RARB: variants seen among roughly 807,000 people sequenced by gnomAD.
RARB encodes the protein HBV-activated protein.
Under a neutral mutation model 51.9 loss-of-function variants are expected in RARB, and 17 were observed. The observed-to-expected ratio is 0.33, with a 90% confidence interval of 0.22 to 0.49. The LOEUF (loss-of-function observed/expected upper bound fraction) is 0.49, where lower values mean the gene tolerates loss of function less well. Among genes scored for constraint, RARB ranks in the 20% least tolerant of loss-of-function variants. The pLI is 0.99. For missense variants in RARB, 369 were observed against 550.8 expected (o/e 0.67, Z 3.30); for synonymous variants, 215 against 195.4 (o/e 1.10, Z -0.84).
At chr3:25,339,049 C>T (rs1399712850) in intron 5 of RARB, among the ~76,000 whole-genome samples, 1 of 152,202 alleles carries the variant, frequency 6.6e-6, no homozygotes, top group Admixed American at 6.5e-5. Context: ...CTTGAAAGGT[C>T]TATGTTCTTT....
At chr3:25,167,020 TG>T (rs1216080417) in intron 4 of RARB, among the ~76,000 whole-genome samples, 3 of 152,230 alleles carry the variant, frequency 2.0e-5, no homozygotes, top group Non-Finnish European at 4.4e-5. Flanking sequence ...AATTTCAGAT[TG>T]GTGCTGTTAC....
intron 5 of RARB, among the ~76,000 whole-genome samples, chr3:25,412,231 C>T (rs1005267958): frequency 7.2e-5 from 11 of 152,134 alleles, no homozygotes; most frequent in South Asian, 4.1e-4. Context: ...TTTAAATTCT[C>T]GTCCTTATCC....
At chr3:25,014,116 T>A (rs187772923) in intron 2 of RARB, among the ~76,000 whole-genome samples, 1 of 152,266 alleles carries the variant, frequency 6.6e-6, no homozygotes, top group African/African-American at 2.4e-5. Context: ...CTTTTTCCCT[T>A]GTTGCTGTAT....
At chr3:25,368,498 T>G (rs1291304059) in intron 5 of RARB, among the ~76,000 whole-genome samples, 3 of 152,328 alleles carry the variant, frequency 2.0e-5, no homozygotes, top group African/African-American at 7.2e-5. Context: ...AATATATTAT[T>G]TGTGCACACA....
intron 4 of RARB, among the ~76,000 whole-genome samples, chr3:25,574,289 C>A (rs1700831991): frequency 6.6e-6 from 1 of 152,198 alleles, no homozygotes; most frequent in Non-Finnish European, 1.5e-5. Flanking sequence ...TCATTTGCAC[C>A]TCAGCTCCTT....
At chr3:25,014,760 G>A (rs1697472055) in intron 2 of RARB, among the ~76,000 whole-genome samples, 1 of 151,730 alleles carries the variant, frequency 6.6e-6, no homozygotes, top group Admixed American at 6.6e-5. Context: ...AGAGTGAGAT[G>A]GACACTACTA....
intron 5 of RARB, among the ~76,000 whole-genome samples, chr3:25,387,727 G>A (rs534456168): frequency 6.6e-6 from 1 of 152,108 alleles, no homozygotes; most frequent in Middle Eastern, 3.4e-3. Flanking sequence ...CACATAATGA[G>A]GTCTCACTTC....
intron 2 of RARB, among the ~76,000 whole-genome samples, chr3:24,902,860 A>G (rs912844127): frequency 6.6e-6 from 1 of 152,192 alleles, no homozygotes; most frequent in African/African-American, 2.4e-5. Context: ...ATATTACTAA[A>G]ACTTCAGTTT....
At chr3:24,966,613 T>C (rs1207620157) in intron 2 of RARB, among the ~76,000 whole-genome samples, 1 of 138,378 alleles carries the variant, frequency 7.2e-6, no homozygotes, top group Admixed American at 7.0e-5. Flanking sequence ...TTCATCTCTC[T>C]CTCTCTCTCT....
chr3:25,101,080 A>G (rs6807196), intron 3 of RARB, among the ~76,000 whole-genome samples: 118,686 of 152,062 alleles, frequency 0.78, 46,857 homozygotes, highest in Admixed American at 0.86. Context: ...CACCTCTGGA[A>G]TTCCATAATA....
intron 1 of RARB, among the ~76,000 whole-genome samples, chr3:25,435,704 C>A (rs1319100577): frequency 6.6e-6 from 1 of 152,042 alleles, no homozygotes; most frequent in African/African-American, 2.4e-5. Flanking sequence ...TGACAAGAAG[C>A]TGTATAAAAA....
chr3:25,538,242 G>A (rs926896706), intron 3 of RARB, among the ~76,000 whole-genome samples: 3 of 152,078 alleles, frequency 2.0e-5, no homozygotes, highest in Non-Finnish European at 4.4e-5. Flanking sequence ...AGGATGGGAG[G>A]TTTACACCCA....
intron 2 of RARB, among the ~76,000 whole-genome samples, chr3:25,469,167 G>C (rs1238322833): frequency 1.3e-5 from 2 of 152,222 alleles, no homozygotes; most frequent in Non-Finnish European, 2.9e-5. Flanking sequence ...TTCGGCTGCT[G>C]GGCTGGGTTT....
intron 3 of RARB, among the ~76,000 whole-genome samples, chr3:25,067,291 C>T (rs1380462836): frequency 9.2e-5 from 14 of 151,988 alleles, no homozygotes; most frequent in Admixed American, 6.6e-4. Flanking sequence ...AATGAAATCA[C>T]GTTTAAATAA....
intron 2 of RARB, among the ~76,000 whole-genome samples, chr3:24,985,320 T>G (rs970874119): frequency 6.6e-6 from 1 of 151,718 alleles, no homozygotes; most frequent in Non-Finnish European, 1.5e-5. Flanking sequence ...CTTCCATCAC[T>G]GCCATGGCAT....
chr3:24,912,613 A>G (rs1024893935), intron 2 of RARB, among the ~76,000 whole-genome samples: 1 of 152,188 alleles, frequency 6.6e-6, no homozygotes, highest in Admixed American at 6.5e-5. Context: ...AAATGGAACC[A>G]GGGCACAGGG....
chr3:25,082,043 A>C (rs1444983848), intron 3 of RARB, among the ~76,000 whole-genome samples: 3 of 152,114 alleles, frequency 2.0e-5, no homozygotes, highest in Non-Finnish European at 2.9e-5. Context: ...TACTCTGTCA[A>C]AGTCTACCTT....
intron 2 of RARB, among the ~76,000 whole-genome samples, chr3:24,910,483 C>G (rs1694969590): frequency 6.6e-6 from 1 of 152,000 alleles, no homozygotes. Context: ...TTTTTTAGGA[C>G]CTGTGAATAA....
rs77949725 is a variant in RARB, at chr3:25,111,527, A to G, written c.-327-20634A>G. On this transcript the variant is annotated intron_variant, in intron 3 of 11. Transcript: ENST00000383772. ...GGTCCAAAAGAAAACTGACAGCTCT[A>G]TAATATATATTGCAATTTAAGTCTC... Among the ~76,000 whole-genome samples the G allele has an allele frequency of 4.8e-3, 725 of 151,860 alleles. 13 individuals carry two copies. Among genetic ancestry groups the G allele is most frequent in the South Asian group, 0.046 (223 of 4,802 alleles).
Sources: gnomAD v4.1 joint callset for allele counts (sites outside exome capture counted in the v4.1 genomes callset) on GRCh38, gnomAD v4.1.1 for gene constraint, MANE v1.5 for transcripts, NCBI Gene and HGNC (gene_info 2026-07-23, HGNC 2026-07-21) for gene names.